Variants in COMMD10 observed in about 807,000 individuals in gnomAD.
COMMD10 encodes the protein COMM domain-containing protein 10.
In COMMD10, 33 loss-of-function variants were observed where a neutral mutation model predicts 28.9. The ratio of observed to expected loss-of-function variants is 1.14; its 90% CI spans 0.87 to 1.53. The LOEUF (loss-of-function observed/expected upper bound fraction) is 1.53, where lower values mean the gene tolerates loss of function less well. COMMD10 is among the 40% of genes most tolerant of loss of function. COMMD10 has a pLI of 0.00. For synonymous variants in COMMD10, 110 were observed against 81.7 expected, an observed-to-expected ratio of 1.35 and a Z score of -1.87; for missense variants, 310 against 233.4, an observed-to-expected ratio of 1.33 and a Z score of -2.14.
At chr5:116,219,417 G>A in intron 5 of COMMD10, among the ~76,000 whole-genome samples, 1 of 152,102 alleles carries the variant, frequency 6.6e-6, no homozygotes. Context: ...AAAAGATTGG[G>A]AGACTATCCC....
At chr5:116,201,479 G>T (rs567296753) in intron 5 of COMMD10, among the ~76,000 whole-genome samples, 1 of 152,194 alleles carries the variant, frequency 6.6e-6, no homozygotes, top group African/African-American at 2.4e-5. Flanking sequence ...TCCCATGGAG[G>T]TTTCTACTTC....
intron 2 of COMMD10, among the ~76,000 whole-genome samples, chr5:116,090,259 T>G (rs1297464699): frequency 1.3e-5 from 2 of 152,148 alleles, no homozygotes; most frequent in Non-Finnish European, 2.9e-5. Context: ...GAGATTTTGT[T>G]TCTTTGTTTG....
At chr5:116,132,812 T>A (rs1305449142) in intron 4 of COMMD10, among the ~76,000 whole-genome samples, 3 of 152,124 alleles carry the variant, frequency 2.0e-5, no homozygotes, top group African/African-American at 7.2e-5. Context: ...ATGTAAAGAA[T>A]CCTTACTTAA....
chr5:116,243,764 A>G (rs1749871849), intron 5 of COMMD10, among the ~76,000 whole-genome samples: 1 of 152,170 alleles, frequency 6.6e-6, no homozygotes. Context: ...TTATTTCAGA[A>G]CATCTGAGAG....
At chr5:116,171,460 C>A (rs181404892) in intron 5 of COMMD10, among the ~76,000 whole-genome samples, 60 of 152,262 alleles carry the variant, frequency 3.9e-4, no homozygotes, top group Middle Eastern at 3.4e-3. Flanking sequence ...CCATTTGATA[C>A]AGCAATCCCC....
intron 5 of COMMD10, among the ~76,000 whole-genome samples, chr5:116,199,992 G>A (rs769659300): frequency 3.3e-5 from 5 of 151,922 alleles, no homozygotes; most frequent in Non-Finnish European, 7.4e-5. Context: ...CAATTTTTGT[G>A]GATACATACT....
At chr5:116,220,305 A>G (rs969522567) in intron 5 of COMMD10, among the ~76,000 whole-genome samples, 10 of 152,204 alleles carry the variant, frequency 6.6e-5, no homozygotes, top group African/African-American at 2.2e-4. Flanking sequence ...AGTGAAGACT[A>G]CGTGAATTGA....
intron 5 of COMMD10, among the ~76,000 whole-genome samples, chr5:116,247,991 T>G (rs950201839): frequency 1.3e-5 from 2 of 151,836 alleles, no homozygotes; most frequent in Admixed American, 6.6e-5. Flanking sequence ...ATATCAAAAT[T>G]TTATGCAATA....
At chr5:116,121,589 C>G (rs958751616) in intron 4 of COMMD10, among the ~76,000 whole-genome samples, 5 of 152,180 alleles carry the variant, frequency 3.3e-5, no homozygotes, top group African/African-American at 4.8e-5. Context: ...CTAGTTTACA[C>G]TCCCACCAAC....
intron 5 of COMMD10, among the ~76,000 whole-genome samples, chr5:116,239,400 G>T (rs1272719701): frequency 6.6e-6 from 1 of 152,128 alleles, no homozygotes; most frequent in Non-Finnish European, 1.5e-5. Flanking sequence ...GAAAAGGGAA[G>T]ATTTGAGGGT....
intron 4 of COMMD10, among the ~76,000 whole-genome samples, chr5:116,103,606 A>C (rs145077468): frequency 0.053 from 8,135 of 152,170 alleles, 304 homozygotes; most frequent in East Asian, 0.15. Flanking sequence ...CCCATTCTGT[A>C]GGTTGCCTAT....
intron 5 of COMMD10, among the ~76,000 whole-genome samples, chr5:116,161,929 A>T (rs989628864): frequency 8.5e-5 from 13 of 152,194 alleles, no homozygotes; most frequent in Non-Finnish European, 1.9e-4. Context: ...TTCTGAAAAT[A>T]TGCTGCTAGT....
intron 5 of COMMD10, among the ~76,000 whole-genome samples, chr5:116,143,069 G>T (rs56366302): frequency 0.096 from 12,539 of 130,898 alleles, 579 homozygotes; most frequent in Non-Finnish European, 0.12. Flanking sequence ...TGTGTTTTTG[G>T]TTTTTTTTTT....
At chr5:116,256,020 A>T (rs1009389433) in intron 5 of COMMD10, among the ~76,000 whole-genome samples, 1 of 151,628 alleles carries the variant, frequency 6.6e-6, no homozygotes, top group African/African-American at 2.4e-5. Context: ...TTTCGTATTC[A>T]ATCTCAGCTA....
chr5:116,098,073 AT>A (rs1465347062), intron 4 of COMMD10, among the ~76,000 whole-genome samples: 6 of 152,332 alleles, frequency 3.9e-5, no homozygotes, highest in African/African-American at 1.2e-4. Context: ...TAGTCACTTT[AT>A]CATATTATCC....
chr5:116,087,483 A>G lies in COMMD10; in HGVS notation c.42-14A>G, dbSNP rs1332523761. On this transcript the variant is annotated splice_polypyrimidine_tract_variant and intron_variant, in intron 1 of 6. Coordinates refer to ENST00000274458, the MANE Select transcript of COMMD10 (RefSeq NM_016144.4). ...AAAACTCATTTCAAAACTCTGTTTT[A>G]TAATTTTGTTTAGCATGAAGAAAGC... The G allele has an allele frequency of 6.5e-7, 1 of 1,543,630 alleles. No individual in the cohort carries two copies. Among genetic ancestry groups the G allele is most frequent in the Non-Finnish European group, 9.0e-7 (1 of 1,115,940 alleles).
At chr5:116,233,064 C>T (rs370049215) in intron 5 of COMMD10, among the ~76,000 whole-genome samples, 9 of 152,088 alleles carry the variant, frequency 5.9e-5, no homozygotes, top group South Asian at 4.1e-4. Context: ...ATTTATTGAA[C>T]GCTTACGATT....
chr5:116,134,292 A>G (rs1751959830), intron 5 of COMMD10, 114 bp downstream of exon 5: 2 of 601,254 alleles, frequency 3.3e-6, no homozygotes, highest in Non-Finnish European at 3.0e-6. Context: ...TCAGTTAAAC[A>G]GTTATTAATA....
chr5:116,235,404 T>G (rs1201277530), intron 5 of COMMD10, among the ~76,000 whole-genome samples: 1 of 152,188 alleles, frequency 6.6e-6, no homozygotes, highest in Non-Finnish European at 1.5e-5. Flanking sequence ...AAGCTGTCAT[T>G]TAAGCATTTC....
Sources: gnomAD v4.1 joint callset for allele counts (sites outside exome capture counted in the v4.1 genomes callset) on GRCh38, gnomAD v4.1.1 for gene constraint, MANE v1.5 for transcripts, NCBI Gene and HGNC (gene_info 2026-07-23, HGNC 2026-07-21) for gene names.